Variants in OSBPL3 observed in about 807,000 individuals in gnomAD.
OSBPL3 encodes the protein oxysterol-binding protein-related protein 3.
OSBPL3 carries 65 observed loss-of-function variants against 120.1 expected under a neutral mutation model. The ratio of observed to expected loss-of-function variants is 0.54; its 90% CI spans 0.44 to 0.67. The LOEUF is 0.67. Ranked by LOEUF, OSBPL3 falls within the 30% of genes least tolerant of loss-of-function variation. The pLI, the probability that OSBPL3 is intolerant of heterozygous loss-of-function variation, is 0.00. For synonymous variants in OSBPL3, 416 were observed against 402.6 expected, an observed-to-expected ratio of 1.03 and a Z score of -0.40; for missense variants, 1,004 against 1,082.1, an observed-to-expected ratio of 0.93 and a Z score of 1.01.
At position 24,913,728 on chromosome 7, in the gene OSBPL3, A is replaced by C. The variant is rs564383769; in HGVS notation, c.-149-21107T>G. Among the ~76,000 whole-genome samples the C allele has an allele frequency of 6.6e-6, 1 of 152,278 alleles. No individual in the cohort carries two copies. The highest frequency in any genetic ancestry group is 2.1e-4 in the South Asian group (1 of 4,824). Reference sequence around the variant, plus strand: ...TATCTTCATAATAGTTGAAGCTGTGATTGGGAGTGCATTGTCATGTGGTAA... The same window carrying C: ...TATCTTCATAATAGTTGAAGCTGTGCTTGGGAGTGCATTGTCATGTGGTAA... On this transcript the variant is annotated intron_variant, in intron 1 of 22. Transcript: ENST00000313367. The surrounding 1 kb of genome is among the most constrained non-coding windows in gnomAD (Gnocchi z 5.3).
chr7:24,903,610 C>T (rs1210792900), intron 1 of OSBPL3, among the ~76,000 whole-genome samples: 1 of 152,182 alleles, frequency 6.6e-6, no homozygotes, highest in Admixed American at 6.5e-5. Flanking sequence ...TTGATGAATA[C>T]CTCAAGCGGA....
Position 24,955,501 on chromosome 7 carries a change from C to G in OSBPL3, c.-150+24385G>C, listed in dbSNP as rs973654850. On this transcript the variant is annotated intron_variant, in intron 1 of 22. Transcript: ENST00000313367. The surrounding 1 kb of genome is among the most constrained non-coding windows in gnomAD (Gnocchi z 4.3). ...GTGGAGGAGAGGCTACTGGGGTGGC[C>G]TCAGGGCCTTTGCACTTCTTGTTTT... Among the ~76,000 whole-genome samples, 26 of 152,242 alleles carry G rather than the reference C, an allele frequency of 1.7e-4. No homozygotes were observed. Among genetic ancestry groups the G allele is most frequent in the African/African-American group, 5.8e-4 (24 of 41,464 alleles).
At position 24,879,666 on chromosome 7, in the gene OSBPL3, G is replaced by A. The variant is rs1228251159; in HGVS notation, c.97-7597C>T. Among the ~76,000 whole-genome samples the A allele has an allele frequency of 2.0e-5, 3 of 152,180 alleles. No individual in the cohort carries two copies. Among genetic ancestry groups the A allele is most frequent in the African/African-American group, 4.8e-5 (2 of 41,444 alleles). On this transcript the variant is annotated intron_variant, in intron 2 of 22. Transcript: ENST00000313367. The surrounding 1 kb of genome is among the most constrained non-coding windows in gnomAD (Gnocchi z 5.6). ...TGACAACAAGGAGATAAAATCCTGT[G>A]GGCTGCCAGCTCTGTCAGTGGCTCC...
At chr7:24,885,155 G>C (rs1388234676) in intron 2 of OSBPL3, among the ~76,000 whole-genome samples, 2 of 150,860 alleles carry the variant, frequency 1.3e-5, no homozygotes, top group Admixed American at 6.6e-5. Context: ...CCAGGAGGCA[G>C]AGGTTGCAGT....
In OSBPL3 at chr7:24,952,740, T is replaced by C. The variant is rs1455823551; in HGVS notation, c.-150+27146A>G. ...GGATTCTAGGCCTGCCCTACCAATA[T>C]GCAAACCATCAGCTGAATCTATAAA... On this transcript the variant is annotated intron_variant, in intron 1 of 22. Transcript: ENST00000313367. The surrounding 1 kb of genome is among the most constrained non-coding windows in gnomAD (Gnocchi z 4.4). Among the ~76,000 whole-genome samples, 1 of 152,238 alleles carries C rather than the reference T, an allele frequency of 6.6e-6. No individual in the cohort carries two copies. Among genetic ancestry groups the C allele is most frequent in the Admixed American group, 6.5e-5 (1 of 15,284 alleles).
chr7:24,974,232 G>A (rs899654324), intron 1 of OSBPL3, among the ~76,000 whole-genome samples: 2 of 152,074 alleles, frequency 1.3e-5, no homozygotes, highest in Non-Finnish European at 2.9e-5. Flanking sequence ...GTCAGCTCAC[G>A]GACAGCCTTG....
rs1315205193 is a variant in OSBPL3, at chr7:24,863,234, C to T, written c.836G>A (p.Arg279Lys). 6.2e-7 allele frequency: 1 copy of T among 1,614,192 alleles called. No individual in the cohort carries two copies. The highest frequency in any genetic ancestry group is 8.5e-7 in the Non-Finnish European group (1 of 1,179,998). ...TCCTTTAGCATCTTTGCCAATAGCT[C>T]TGGACCGCCACCTCCTGTGCGATCT... is the stretch of plus-strand genomic sequence containing the variant. The part of the protein sequence containing the change: ...EKRSHRRWRS[R>K]AIGKDAKGTL... The change falls in exon 9 of 23, where the codon AGA becomes AAA. Residue 279 changes from arginine (R) to lysine (K), a missense_variant. By Grantham distance (26) the Arg-to-Lys change is conservative (BLOSUM62 2). Transcript: ENST00000313367. This position sits in a 1 kb window ranked among gnomAD's most constrained non-coding sequence, Gnocchi z 5.8.
At chr7:24,861,481 G>A (rs1584412970) in intron 10 of OSBPL3, 132 bp downstream of exon 10, 3 of 570,048 alleles carry the variant, frequency 5.3e-6, no homozygotes, top group Middle Eastern at 5.1e-4. Flanking sequence ...ATAAAATAAA[G>A]ATTAGGTTTC....
chr7:24,832,206 CAAA>C (rs35738897), intron 15 of OSBPL3, among the ~76,000 whole-genome samples: 10 of 95,610 alleles, frequency 1.0e-4, no homozygotes, highest in Admixed American at 2.6e-4. Context: ...GACCCTGTCT[CAAA>C]AAAAAAAAAA....
At chr7:24,977,586 G>T (rs1168786831) in intron 1 of OSBPL3, among the ~76,000 whole-genome samples, 1 of 152,200 alleles carries the variant, frequency 6.6e-6, no homozygotes, top group Non-Finnish European at 1.5e-5. Context: ...GCAGGGCGCG[G>T]TGGCTCACGC....
At chr7:24,888,102 A>G (rs1562887036) in intron 2 of OSBPL3, among the ~76,000 whole-genome samples, 1 of 152,316 alleles carries the variant, frequency 6.6e-6, no homozygotes, top group East Asian at 1.9e-4. Context: ...GCTTTTGTAC[A>G]ACACTAAAAA....
Position 24,806,769 on chromosome 7 carries a change from T to C in OSBPL3, c.2444+7A>G. On this transcript the variant is annotated splice_region_variant and intron_variant, in intron 21 of 22. Coordinates refer to ENST00000313367, the MANE Select transcript of OSBPL3 (RefSeq NM_015550.4). This position sits in a 1 kb window ranked among gnomAD's most constrained non-coding sequence, Gnocchi z 5.2. ...TCTGGAGAGAAAAATCTTTAAAAAA[T>C]CCTTACCTCTGGTCTGGCCTAAATC... The C allele has an allele frequency of 6.2e-7, 1 of 1,612,262 alleles. No homozygotes were observed. The highest frequency in any genetic ancestry group is 8.5e-7 in the Non-Finnish European group (1 of 1,179,312).
chr7:24,816,082 G>A (rs978594604), intron 18 of OSBPL3, among the ~76,000 whole-genome samples: 1 of 152,182 alleles, frequency 6.6e-6, no homozygotes, highest in African/African-American at 2.4e-5. Flanking sequence ...GGAGTGCAGT[G>A]GCACGATCAC....
At chr7:24,957,459 GAT>G (rs1815206437) in intron 1 of OSBPL3, among the ~76,000 whole-genome samples, 1 of 152,164 alleles carries the variant, frequency 6.6e-6, no homozygotes, top group African/African-American at 2.4e-5. Context: ...GCTGAAATTT[GAT>G]CATGGTGGTA....
chr7:24,824,335 T>G lies in OSBPL3; in HGVS notation c.1885-4097A>C, dbSNP rs1795449396. On this transcript the variant is annotated intron_variant, in intron 16 of 22. Coordinates refer to ENST00000313367, the MANE Select transcript of OSBPL3 (RefSeq NM_015550.4). The surrounding 1 kb of genome is among the most constrained non-coding windows in gnomAD (Gnocchi z 4.9). The stretch of plus-strand genomic sequence containing the variant: ...TTTTTAATTTATGCTTTGAATGCAC[T>G]TTATATAAGAGGTCAGGGGAGAAGC... 6.6e-6 allele frequency among the ~76,000 whole-genome samples: 1 copy of G among 152,224 alleles called. No individual in the cohort carries two copies. Among genetic ancestry groups the G allele is most frequent in the African/African-American group, 2.4e-5 (1 of 41,448 alleles).
chr7:24,895,431 T>C (rs1806001173), intron 1 of OSBPL3, among the ~76,000 whole-genome samples: 1 of 152,104 alleles, frequency 6.6e-6, no homozygotes, highest in Non-Finnish European at 1.5e-5. Context: ...GCTATTCAGG[T>C]TTGCTAAGTA....
intron 16 of OSBPL3, among the ~76,000 whole-genome samples, chr7:24,823,301 A>G (rs985348865): frequency 8.1e-6 from 1 of 123,004 alleles, no homozygotes; most frequent in Non-Finnish European, 1.8e-5. Context: ...TTAGGCAGAG[A>G]CTAAGTGAAA....
In OSBPL3 at chr7:24,980,050, T is replaced by G. The variant is rs944680082; in HGVS notation, c.-314A>C. ...GGAGTCGGGGGCGGGGATGGCCACT[T>G]GCAGACAGACTGCGGGGCCGGAGCC... On this transcript the variant is annotated 5_prime_UTR_variant, in exon 1 of 23. Transcript: ENST00000313367. The G allele has an allele frequency of 1.1e-5, 11 of 985,006 alleles. No homozygotes were observed. The African/African-American group carries it at 1.9e-4, about 17-fold the overall frequency. 61.0% of individuals were successfully genotyped at this position (985,006 alleles called of 1,614,324 possible). A position where few individuals can be genotyped will look rare whatever the true frequency, so the allele number is the denominator to read the frequency against.
chr7:24,916,935 T>A lies in OSBPL3; in HGVS notation c.-149-24314A>T. ...CCATTTCCACCCCCCCCAACCTTTT[T>A]AGAAAATTAAATAAATAACTCCTAT... On this transcript the variant is annotated intron_variant, in intron 1 of 22. Coordinates refer to ENST00000313367, the MANE Select transcript of OSBPL3 (RefSeq NM_015550.4). This position sits in a 1 kb window ranked among gnomAD's most constrained non-coding sequence, Gnocchi z 4.9. Among the ~76,000 whole-genome samples, 1 of 150,346 alleles carries A rather than the reference T, an allele frequency of 6.7e-6. No individual in the cohort carries two copies. Among genetic ancestry groups the A allele is most frequent in the East Asian group, 2.0e-4 (1 of 5,074 alleles).
Sources: allele counts gnomAD v4.1 joint callset (sites outside exome capture counted in the v4.1 genomes callset), GRCh38; gene constraint gnomAD v4.1.1; non-coding constraint Gnocchi (gnomAD v3.1); transcripts MANE v1.5; gene names NCBI Gene and HGNC (gene_info 2026-07-23, HGNC 2026-07-21).